PDE6A: variants seen among roughly 807,000 people sequenced by gnomAD.
PDE6A encodes rod cGMP-specific 3',5'-cyclic phosphodiesterase subunit alpha.
In PDE6A, 84 loss-of-function variants were observed where a neutral mutation model predicts 106.3. The ratio of observed to expected loss-of-function variants is 0.79; its 90% CI spans 0.66 to 0.95. The LOEUF is 0.95. Among genes scored for constraint, PDE6A ranks in the 40% least tolerant of loss-of-function variants. The pLI, the probability that PDE6A is intolerant of heterozygous loss-of-function variation, is 0.00. For synonymous variants in PDE6A, 394 were observed against 386.6 expected (o/e 1.02, Z -0.23); for missense variants, 1,052 against 1,084.9 (o/e 0.97, Z 0.43).
intron 8 of PDE6A, among the ~76,000 whole-genome samples, chr5:149,900,710 G>A (rs1581183192): frequency 6.6e-6 from 1 of 152,086 alleles, no homozygotes; most frequent in African/African-American, 2.4e-5. Context: ...TTAGCACCTG[G>A]TGAGAGAGTG....
Position 149,886,284 on chromosome 5 carries a change from T to G in PDE6A, c.1819A>C (p.Asn607His), listed in dbSNP as rs1376195285. ...FCHDIDHRGT[N>H]NLYQMKSQNP... Reference sequence around the variant, plus strand: ...ACTCACTTCATCTGGTAGAGGTTATTGGTGCCTCTGTGGTCAATGTCATGG... The same window carrying G: ...ACTCACTTCATCTGGTAGAGGTTATGGGTGCCTCTGTGGTCAATGTCATGG... The change falls in exon 14 of 22, where the codon AAT becomes CAT. Residue 607 changes from asparagine (N) to histidine (H), a missense_variant. Asn to His is a moderately conservative substitution (Grantham distance 68). Around this residue, in one of 3 missense-constraint regions of PDE6A, gnomAD observed 913 missense variants for 915.2 expected, o/e 1.00. Coordinates refer to ENST00000255266, the MANE Select transcript of PDE6A (RefSeq NM_000440.3). 6.2e-7 allele frequency: 1 copy of G among 1,613,368 alleles called. No homozygotes were observed. The highest frequency in any genetic ancestry group is 1.7e-5 in the Admixed American group (1 of 60,018).
chr5:149,865,853 A>G (rs1033381294), intron 20 of PDE6A, among the ~76,000 whole-genome samples: 2 of 152,268 alleles, frequency 1.3e-5, no homozygotes, highest in African/African-American at 2.4e-5. Flanking sequence ...CTTTTGGCCT[A>G]TGATGTTTCC....
At chr5:149,880,949 G>A (rs763750533) in intron 17 of PDE6A, among the ~76,000 whole-genome samples, 14 of 152,062 alleles carry the variant, frequency 9.2e-5, no homozygotes, top group Non-Finnish European at 1.8e-4. Context: ...TGTAGTCCCA[G>A]CTACTGTGGA....
At chr5:149,943,987 A>G (rs1754396901) in intron 1 of PDE6A, among the ~76,000 whole-genome samples, 1 of 152,240 alleles carries the variant, frequency 6.6e-6, no homozygotes, top group Non-Finnish European at 1.5e-5. Flanking sequence ...TGGATGAAAG[A>G]CATACAGTTC....
chr5:149,916,858 T>C (rs952440623), intron 5 of PDE6A, among the ~76,000 whole-genome samples: 1 of 152,130 alleles, frequency 6.6e-6, no homozygotes, highest in Admixed American at 6.6e-5. Context: ...AACAGCTTAG[T>C]GTTTTACTGT....
In PDE6A at chr5:149,866,171, T is replaced by G. The variant is rs201648290; in HGVS notation, c.2357A>C (p.Lys786Thr). The change falls in exon 20 of 22, where the codon AAG becomes ACG. Residue 786 changes from lysine (K) to threonine (T), a missense_variant and splice_region_variant. Lys to Thr is a moderately conservative substitution (Grantham distance 78). Coordinates refer to ENST00000255266, the MANE Select transcript of PDE6A (RefSeq NM_000440.3). Reference protein sequence around the residue: ...FIDFVCTFVYKEFSRFHEEIT... With the variant: ...FIDFVCTFVYTEFSRFHEEIT... ...CGGCTGAGGAAGCCAAGGGCCTACC[T>G]TGTAGACGAAGGTGCAAACAAAGTC... 1.9e-6 allele frequency: 3 copies of G among 1,612,332 alleles called. No homozygotes were observed. The highest frequency in any genetic ancestry group is 3.3e-5 in the Admixed American group (2 of 60,010).
chr5:149,905,227 C>G (rs1225682637), intron 7 of PDE6A, among the ~76,000 whole-genome samples: 1 of 152,156 alleles, frequency 6.6e-6, no homozygotes, highest in African/African-American at 2.4e-5. Context: ...CCTCCTCTTT[C>G]TCCACCCACT....
intron 1 of PDE6A, chr5:149,940,006 T>G (rs144428764): frequency 2.0e-5 from 3 of 152,280 alleles, no homozygotes; most frequent in African/African-American, 7.2e-5. Flanking sequence ...CTGCCACTTT[T>G]TTTTTTCTTT....
At chr5:149,934,189 C>A (rs1754123958) in intron 2 of PDE6A, among the ~76,000 whole-genome samples, 170 bp from the exon 3 acceptor site, 1 of 152,182 alleles carries the variant, frequency 6.6e-6, no homozygotes, top group East Asian at 1.9e-4. Context: ...ATAAAACTCA[C>A]CGAATGTAGA....
chr5:149,864,838 C>G (rs1760267358), intron 20 of PDE6A, among the ~76,000 whole-genome samples: 1 of 152,192 alleles, frequency 6.6e-6, no homozygotes, highest in South Asian at 2.1e-4. Context: ...TTACCTTCAG[C>G]CATTAAATCA....
chr5:149,902,961 C>T (rs779565710), intron 8 of PDE6A, among the ~76,000 whole-genome samples: 3 of 151,668 alleles, frequency 2.0e-5, no homozygotes, highest in Non-Finnish European at 2.9e-5. Context: ...AGGATTTGAA[C>T]AGGAGATGAT....
chr5:149,934,569 T>C lies in PDE6A; in HGVS notation c.624A>G (p.Glu208=). ...TTAGTCTCTAAAGCATTCTTACCTC[T>C]TCATCTCTCTTGGTGAAGTGGGATC... ...VDGSHFTKRD[E]EILLKYLNFA... Residue 208 remains glutamate (E), a synonymous_variant, in exon 2 of 22, where the codon GAA becomes GAG. Coordinates refer to ENST00000255266, the MANE Select transcript of PDE6A (RefSeq NM_000440.3). 2.5e-6 allele frequency: 4 copies of C among 1,614,120 alleles called. No homozygotes were observed. The highest frequency in any genetic ancestry group is 3.4e-6 in the Non-Finnish European group (4 of 1,179,936).
chr5:149,861,689 T>A (rs113196690), intron 21 of PDE6A, among the ~76,000 whole-genome samples: 32 of 152,282 alleles, frequency 2.1e-4, no homozygotes, highest in East Asian at 1.7e-3. Flanking sequence ...CTGGATTTTT[T>A]AAATCTTAAA....
chr5:149,934,775 C>G, intron 1 of PDE6A, 57 bp from the exon 2 acceptor site: 1 of 1,561,618 alleles, frequency 6.4e-7, no homozygotes, highest in East Asian at 2.2e-5. Context: ...AACAGTGGAA[C>G]GGCCCAAAGC....
At chr5:149,888,506 T>C (rs1157696130) in intron 13 of PDE6A, among the ~76,000 whole-genome samples, 1 of 147,378 alleles carries the variant, frequency 6.8e-6, no homozygotes, top group African/African-American at 2.5e-5. Context: ...TAATAACTAA[T>C]AATTAATATA....
intron 12 of PDE6A, 114 bp downstream of exon 12, chr5:149,896,242 C>T (rs1752744341): frequency 4.6e-6 from 4 of 861,934 alleles, no homozygotes; most frequent in Non-Finnish European, 7.5e-6. Flanking sequence ...TCTTTAAATC[C>T]TAAATACTGA....
At chr5:149,921,536 A>G (rs1753721112) in intron 5 of PDE6A, 99 bp downstream of exon 5, 1 of 898,784 alleles carries the variant, frequency 1.1e-6, no homozygotes, top group Non-Finnish European at 1.8e-6. Context: ...CAACGCAAAG[A>G]CAAATACCTA....
At chr5:149,907,212 A>G in intron 7 of PDE6A, 100 bp downstream of exon 7, 1 of 931,704 alleles carries the variant, frequency 1.1e-6, no homozygotes, top group Non-Finnish European at 1.8e-6. Flanking sequence ...AGAGATCCAC[A>G]CTTGCCATCA....
chr5:149,912,686 A>G (rs913390163), intron 6 of PDE6A, among the ~76,000 whole-genome samples: 7 of 152,158 alleles, frequency 4.6e-5, no homozygotes, highest in Non-Finnish European at 1.0e-4. Flanking sequence ...CACACCCGCT[A>G]GCTGGCAGTG....
Sources: allele counts gnomAD v4.1 joint callset (sites outside exome capture counted in the v4.1 genomes callset), GRCh38; gene constraint gnomAD v4.1.1; regional missense constraint gnomAD v4.1.1; transcripts MANE v1.5; gene names NCBI Gene and HGNC (gene_info 2026-07-23, HGNC 2026-07-21).